Variants in ZBTB20 observed in about 807,000 individuals in gnomAD.
ZBTB20 encodes zinc finger and BTB domain containing 20.
In ZBTB20, 9 loss-of-function variants were observed where a neutral mutation model predicts 56.9. The ratio of observed to expected loss-of-function variants is 0.16; its 90% CI spans 0.10 to 0.28. The LOEUF (loss-of-function observed/expected upper bound fraction) is 0.28, where lower values mean the gene tolerates loss of function less well. ZBTB20 is among the 10% of genes least tolerant of loss of function. The probability of loss-of-function intolerance (pLI) is 1.00; values close to 1 mark genes in which losing one functional copy is unlikely to be tolerated. For missense variants in ZBTB20, 655 were observed against 1,003.0 expected (o/e 0.65, Z 4.69); for synonymous variants, 417 against 420.7 (o/e 0.99, Z 0.11).
chr3:114,530,753 G>T (rs1426855555), intron 6 of ZBTB20, among the ~76,000 whole-genome samples: 1 of 152,110 alleles, frequency 6.6e-6, no homozygotes, highest in Non-Finnish European at 1.5e-5. Context: ...TGTCATGGCT[G>T]ACCTCTTTTG....
chr3:115,130,034 T>C (rs2084458551), intron 1 of ZBTB20, among the ~76,000 whole-genome samples: 1 of 152,352 alleles, frequency 6.6e-6, no homozygotes, highest in Middle Eastern at 3.4e-3. Flanking sequence ...ATTTTCATTA[T>C]CATCACTGTA....
At chr3:114,462,343 A>G (rs1216978024) in intron 7 of ZBTB20, among the ~76,000 whole-genome samples, 1 of 152,204 alleles carries the variant, frequency 6.6e-6, no homozygotes, top group Non-Finnish European at 1.5e-5. Context: ...TGCTGGCATT[A>G]TTAGTCTCTA....
At chr3:114,976,952 T>C (rs2078126598) in intron 2 of ZBTB20, among the ~76,000 whole-genome samples, 2 of 152,182 alleles carry the variant, frequency 1.3e-5, no homozygotes, top group South Asian at 2.1e-4. Flanking sequence ...ATCTTTCGTA[T>C]ACCTGAATCA....
chr3:114,999,042 A>C (rs2079140039), intron 2 of ZBTB20, among the ~76,000 whole-genome samples: 2 of 144,222 alleles, frequency 1.4e-5, no homozygotes, highest in South Asian at 2.3e-4. Context: ...AGGGGAGGGA[A>C]AAGGAGGGGA....
chr3:115,095,663 T>C (rs957509186), intron 1 of ZBTB20, among the ~76,000 whole-genome samples: 1 of 152,192 alleles, frequency 6.6e-6, no homozygotes, highest in Non-Finnish European at 1.5e-5. Context: ...TACATGATAG[T>C]AATCATAGAT....
chr3:115,003,131 G>A (rs1221330515), intron 2 of ZBTB20, among the ~76,000 whole-genome samples: 1 of 151,586 alleles, frequency 6.6e-6, no homozygotes, highest in Non-Finnish European at 1.5e-5. Context: ...TAAAAAAGAT[G>A]CCAGGGTTTG....
chr3:114,417,387 T>C (rs1051711836), intron 7 of ZBTB20, among the ~76,000 whole-genome samples: 2 of 152,120 alleles, frequency 1.3e-5, no homozygotes, highest in African/African-American at 4.8e-5. Flanking sequence ...ACCTGGGTTA[T>C]GGTATTGTGT....
At chr3:114,575,564 G>T (rs1297045690) in intron 6 of ZBTB20, among the ~76,000 whole-genome samples, 1 of 149,284 alleles carries the variant, frequency 6.7e-6, no homozygotes, top group Non-Finnish European at 1.5e-5. Flanking sequence ...ACTATAGTTA[G>T]GGATTTGAAG....
chr3:114,574,715 G>A (rs887328292), intron 6 of ZBTB20, among the ~76,000 whole-genome samples: 1 of 152,094 alleles, frequency 6.6e-6, no homozygotes, highest in Non-Finnish European at 1.5e-5. Context: ...CTTTGATTCT[G>A]ATTTATTCTG....
chr3:114,836,561 T>C (rs897126894), intron 4 of ZBTB20, among the ~76,000 whole-genome samples: 6 of 152,216 alleles, frequency 3.9e-5, no homozygotes, highest in Admixed American at 1.3e-4. Context: ...CTAACTGTAC[T>C]TCTCTCGTCT....
intron 6 of ZBTB20, among the ~76,000 whole-genome samples, chr3:114,512,695 T>C (rs2045550423): frequency 6.6e-6 from 1 of 152,150 alleles, no homozygotes; most frequent in African/African-American, 2.4e-5. Flanking sequence ...GCCATGAAAA[T>C]ATAAAAGTCT....
At chr3:114,756,082 A>C (rs767492426) in intron 5 of ZBTB20, among the ~76,000 whole-genome samples, 2 of 152,064 alleles carry the variant, frequency 1.3e-5, no homozygotes, top group Non-Finnish European at 2.9e-5. Context: ...ATTTTGCTGC[A>C]ATCATGTATT....
At chr3:114,859,437 TTTCC>T (rs1560330758) in intron 4 of ZBTB20, among the ~76,000 whole-genome samples, 3 of 151,800 alleles carry the variant, frequency 2.0e-5, no homozygotes, top group African/African-American at 2.4e-5. Flanking sequence ...TTCTCTCTTC[TTTCC>T]TTCCTTCCTT....
intron 7 of ZBTB20, among the ~76,000 whole-genome samples, chr3:114,421,444 G>A (rs1432376892): frequency 6.6e-6 from 1 of 152,160 alleles, no homozygotes; most frequent in Non-Finnish European, 1.5e-5. Flanking sequence ...GCACAGAGCT[G>A]TAAACAGCTT....
chr3:114,417,017 TACCAAATACAGATGTTTTG>T (rs2088632260), intron 7 of ZBTB20, among the ~76,000 whole-genome samples: 1 of 152,106 alleles, frequency 6.6e-6, no homozygotes, highest in Non-Finnish European at 1.5e-5. Context: ...TTTATTTTCT[TACCAAATACAGATGTTTTG>T]ACCACTTGGG....
At chr3:115,142,265 C>T (rs1437681403) in intron 1 of ZBTB20, among the ~76,000 whole-genome samples, 1 of 152,188 alleles carries the variant, frequency 6.6e-6, no homozygotes, top group Non-Finnish European at 1.5e-5. Context: ...TATACTCACA[C>T]ACACATGCAA....
At chr3:114,407,065 G>A (rs1352965584) in intron 7 of ZBTB20, among the ~76,000 whole-genome samples, 2 of 152,104 alleles carry the variant, frequency 1.3e-5, no homozygotes, top group African/African-American at 2.4e-5. Context: ...CAGCCTAACG[G>A]CCACAGACTG....
intron 2 of ZBTB20, among the ~76,000 whole-genome samples, chr3:114,979,998 T>A (rs1164154106): frequency 6.6e-6 from 1 of 152,024 alleles, no homozygotes; most frequent in Non-Finnish European, 1.5e-5. Flanking sequence ...ATTCACTGAC[T>A]CAGTTATACT....
chr3:115,051,941 TTTTAACCA>T (rs2081566451), intron 2 of ZBTB20, among the ~76,000 whole-genome samples: 1 of 151,596 alleles, frequency 6.6e-6, no homozygotes, highest in Non-Finnish European at 1.5e-5. Context: ...TGCTACACAC[TTTTAACCA>T]ACCAGATCTC....
Sources: allele counts gnomAD v4.1 joint callset (sites outside exome capture counted in the v4.1 genomes callset), GRCh38; gene constraint gnomAD v4.1.1; transcripts MANE v1.5; gene names NCBI Gene and HGNC (gene_info 2026-07-23, HGNC 2026-07-21).